Variants in PTPN4 observed in about 807,000 individuals in gnomAD.
The protein encoded by PTPN4 is tyrosine-protein phosphatase non-receptor type 4.
In PTPN4, 49 loss-of-function variants were observed where a neutral mutation model predicts 135.5. That is an observed-to-expected ratio of 0.36 (90% CI 0.29 to 0.46). The LOEUF is 0.46. Ranked by LOEUF, PTPN4 falls within the 20% of genes least tolerant of loss-of-function variation. The pLI, the probability that PTPN4 is intolerant of heterozygous loss-of-function variation, is 1.00. For missense variants in PTPN4, 860 were observed against 1,101.0 expected, an observed-to-expected ratio of 0.78 and a Z score of 3.10; for synonymous variants, 333 against 369.9, an observed-to-expected ratio of 0.90 and a Z score of 1.14.
At chr2:119,845,206 C>T (rs1051047403) in intron 2 of PTPN4, among the ~76,000 whole-genome samples, 45 of 117,450 alleles carry the variant, frequency 3.8e-4, no homozygotes, top group African/African-American at 8.9e-4. Context: ...AGTCCAGCTT[C>T]GGCTCCGCAT....
At chr2:119,877,660 A>C in intron 5 of PTPN4, 118 bp downstream of exon 5, 2 of 1,294,820 alleles carry the variant, frequency 1.5e-6, no homozygotes, top group Non-Finnish European at 1.0e-6. Flanking sequence ...CAGTCAGTAC[A>C]CAGAATAAGT....
intron 2 of PTPN4, among the ~76,000 whole-genome samples, chr2:119,861,884 A>C (rs1677764816): frequency 6.6e-6 from 1 of 152,192 alleles, no homozygotes; most frequent in Admixed American, 6.5e-5. Context: ...AAAATGAGAT[A>C]GTTTTCTAAA....
At chr2:119,791,878 G>A (rs1691154898) in intron 1 of PTPN4, among the ~76,000 whole-genome samples, 1 of 152,102 alleles carries the variant, frequency 6.6e-6, no homozygotes, top group Non-Finnish European at 1.5e-5. Flanking sequence ...TATTCTGTCA[G>A]CCCCCTTTTC....
intron 2 of PTPN4, among the ~76,000 whole-genome samples, chr2:119,849,249 T>C (rs1677554638): frequency 6.6e-6 from 1 of 152,198 alleles, no homozygotes; most frequent in African/African-American, 2.4e-5. Flanking sequence ...TTCTCTTATA[T>C]GTTTCTGTTT....
At chr2:119,873,861 A>G (rs935142525) in intron 3 of PTPN4, among the ~76,000 whole-genome samples, 2 of 152,198 alleles carry the variant, frequency 1.3e-5, no homozygotes, top group African/African-American at 2.4e-5. Flanking sequence ...ATATAACCCC[A>G]ATGCTCATTT....
chr2:119,967,783 A>C, intron 25 of PTPN4, 54 bp from the exon 26 acceptor site: 1 of 1,406,302 alleles, frequency 7.1e-7, no homozygotes, highest in Admixed American at 2.4e-5. Flanking sequence ...AAAAGCCACA[A>C]GTAGTTTAAC....
rs1678442595 is a variant in PTPN4 at position 119,903,689 on chromosome 2, G to A, written c.764+2883G>A. On this transcript the variant is annotated intron_variant, in intron 10 of 26. Transcript: ENST00000263708. The stretch of plus-strand genomic sequence containing the variant: ...CGTCCACCCTGCCTCTACCACTATT[G>A]TCCCCCACATGCATAGCTCAGGACC... Among the ~76,000 whole-genome samples, 6 of 151,896 alleles carry A rather than the reference G, an allele frequency of 4.0e-5. No individual in the cohort carries two copies. The South Asian group carries it at 1.3e-3, about 32-fold the overall frequency.
At chr2:119,797,958 A>G (rs1691292845) in intron 1 of PTPN4, among the ~76,000 whole-genome samples, 1 of 152,192 alleles carries the variant, frequency 6.6e-6, no homozygotes, top group Admixed American at 6.5e-5. Context: ...CATAATGTAT[A>G]TAACTTTTTA....
Position 119,842,133 on chromosome 2 carries a change from ATAAGG to A in PTPN4, c.139-20402_139-20398del, listed in dbSNP as rs1268093659. Among the ~76,000 whole-genome samples the A allele has an allele frequency of 1.6e-4, 24 of 152,332 alleles. No individual in the cohort carries two copies. The East Asian group carries it at 4.4e-3, about 28-fold the overall frequency. On this transcript the variant is annotated intron_variant, in intron 2 of 26. Coordinates refer to ENST00000263708, the MANE Select transcript of PTPN4 (RefSeq NM_002830.4). ...GAGGAGTAGAGTGAAACTCAGAAAG[ATAAGG>A]AAGGCTCCCTCAGGTCACAGTTTAT...
intron 6 of PTPN4, 82 bp from the exon 7 acceptor site, chr2:119,882,015 G>T (rs1678088071): frequency 7.7e-7 from 1 of 1,306,036 alleles, no homozygotes; most frequent in East Asian, 2.3e-5. Context: ...GAAACTTCAA[G>T]TGTGATTGTT....
chr2:119,882,002 C>A, intron 6 of PTPN4, 95 bp from the exon 7 acceptor site: 1 of 1,228,162 alleles, frequency 8.1e-7, no homozygotes, highest in South Asian at 1.3e-5. Context: ...AATCAAATCA[C>A]ATGAAACTTC....
intron 2 of PTPN4, among the ~76,000 whole-genome samples, chr2:119,821,110 TTTTG>T (rs1677062567): frequency 6.6e-6 from 1 of 150,564 alleles, no homozygotes. Flanking sequence ...TTTTTTTTTT[TTTTG>T]AGACAAAGTA....
rs35572826 is a variant in PTPN4 at position 119,924,136 on chromosome 2, CAA to C, written c.1002-2443_1002-2442del. Among the ~76,000 whole-genome samples, 522 of 77,248 alleles carry C rather than the reference CAA, an allele frequency of 6.8e-3. 1 individual carries two copies. Among genetic ancestry groups the C allele is most frequent in the African/African-American group, 0.022 (484 of 22,024 alleles). The allele number at this position is 77,248 out of a possible 152,430, so 50.7% of individuals were successfully genotyped here. A position where few individuals can be genotyped will look rare whatever the true frequency, so the allele number is the denominator to read the frequency against. On this transcript the variant is annotated intron_variant, in intron 12 of 26. Transcript: ENST00000263708. ...TGGGCGACAGAGTGAGACTCCGTCT[CAA>C]AAAAAAAAAAAAAAAAAAGCAAGGG...
At chr2:119,900,001 T>C (rs746807736) in intron 9 of PTPN4, among the ~76,000 whole-genome samples, 3 of 152,164 alleles carry the variant, frequency 2.0e-5, no homozygotes, top group Non-Finnish European at 4.4e-5. Flanking sequence ...TTAGGTTACT[T>C]GTAGAATCTT....
chr2:119,949,934 T>G (rs75176222), intron 18 of PTPN4, among the ~76,000 whole-genome samples: 7,090 of 152,066 alleles, frequency 0.047, 180 homozygotes, highest in African/African-American at 0.07. Flanking sequence ...AGGGTCTTGC[T>G]CTGTATGTGT....
At chr2:119,802,077 G>C (rs983814672) in intron 1 of PTPN4, among the ~76,000 whole-genome samples, 7 of 151,820 alleles carry the variant, frequency 4.6e-5, no homozygotes, top group African/African-American at 1.7e-4. Context: ...CTAATTTTTT[G>C]TATTTTTAGG....
At chr2:119,786,613 G>A (rs1691052919) in intron 1 of PTPN4, among the ~76,000 whole-genome samples, 1 of 152,058 alleles carries the variant, frequency 6.6e-6, no homozygotes, top group African/African-American at 2.4e-5. Context: ...GTGGGTGACT[G>A]GATTCTGGGG....
At chr2:119,952,663 A>C (rs979959933) in intron 19 of PTPN4, among the ~76,000 whole-genome samples, 9 of 152,230 alleles carry the variant, frequency 5.9e-5, no homozygotes, top group African/African-American at 2.2e-4. Flanking sequence ...TGTTTTTAAA[A>C]TACTGCCTTT....
intron 11 of PTPN4, among the ~76,000 whole-genome samples, chr2:119,919,856 G>C (rs1359890542): frequency 1.1e-4 from 16 of 150,958 alleles, no homozygotes; most frequent in Non-Finnish European, 2.9e-5. Context: ...ACTGAGTTAG[G>C]TCCAGATTTT....
Sources: gnomAD v4.1 joint callset for allele counts (sites outside exome capture counted in the v4.1 genomes callset) on GRCh38, gnomAD v4.1.1 for gene constraint, MANE v1.5 for transcripts, NCBI Gene and HGNC (gene_info 2026-07-23, HGNC 2026-07-21) for gene names.